SMAD5: variants seen among roughly 807,000 people sequenced by gnomAD.
SMAD5 encodes MAD, mothers against decapentaplegic homolog 5.
In SMAD5, 9 loss-of-function variants were observed where a neutral mutation model predicts 43.1. The observed-to-expected ratio is 0.21, with a 90% CI of 0.13 to 0.36. The LOEUF (loss-of-function observed/expected upper bound fraction) is 0.36. SMAD5 is among the 10% of genes least tolerant of loss of function. The pLI, the probability that SMAD5 is intolerant of heterozygous loss-of-function variation, is 1.00. For missense variants in SMAD5, 348 were observed against 574.0 expected (o/e 0.61, Z 4.02); for synonymous variants, 190 against 192.4 (o/e 0.99, Z 0.10).
At chr5:136,148,201 G>T (rs190326893) in intron 2 of SMAD5, among the ~76,000 whole-genome samples, 2 of 151,166 alleles carry the variant, frequency 1.3e-5, no homozygotes. Context: ...AAATAATTCA[G>T]TATCATTATA....
At chr5:136,144,477 A>G (rs1169426281) in intron 1 of SMAD5, among the ~76,000 whole-genome samples, 2 of 151,944 alleles carry the variant, frequency 1.3e-5, no homozygotes, top group South Asian at 2.1e-4. Flanking sequence ...CTGTTTTACA[A>G]TAGGTTTCTA....
chr5:136,151,713 C>T (rs1159418123), intron 2 of SMAD5, among the ~76,000 whole-genome samples: 1 of 151,982 alleles, frequency 6.6e-6, no homozygotes, highest in Non-Finnish European at 1.5e-5. Context: ...TATCTAGCCC[C>T]CCATTATATT....
rs962569472 is a variant in SMAD5 at position 136,163,974 on chromosome 5, A to G, written c.775+583A>G. 6.6e-5 allele frequency among the ~76,000 whole-genome samples: 10 copies of G among 152,270 alleles called. No homozygotes were observed. In the East Asian group the frequency reaches 9.7e-4, roughly 15 times the overall value. Reference sequence around the variant, plus strand: ...GGCGGGTGGATCCCTTGAGATCTGGAGTTCAAAACCCCAGCCTGGCCAATA... The same window carrying G: ...GGCGGGTGGATCCCTTGAGATCTGGGGTTCAAAACCCCAGCCTGGCCAATA... On this transcript the variant is annotated intron_variant, in intron 5 of 7. Transcript: ENST00000545279.
At position 136,177,333 on chromosome 5, in the gene SMAD5, A is replaced by G. The variant is rs747815316; in HGVS notation, c.1255-4A>G. ...TTTGTGATGATATCTGTTCATTTTC[A>G]TAGGGTTGGGGAGCAGAATATCACC... On this transcript the variant is annotated splice_region_variant and splice_polypyrimidine_tract_variant and intron_variant, in intron 7 of 7. Coordinates refer to ENST00000545279, the MANE Select transcript of SMAD5 (RefSeq NM_005903.7). The G allele has an allele frequency of 2.5e-5, 41 of 1,613,480 alleles. No individual in the cohort carries two copies. The highest frequency in any genetic ancestry group is 4.5e-5 in the East Asian group (2 of 44,876).
chr5:136,151,689 T>C (rs901243606), intron 2 of SMAD5, among the ~76,000 whole-genome samples: 1 of 152,058 alleles, frequency 6.6e-6, no homozygotes, highest in East Asian at 1.9e-4. Context: ...CTCTCACACA[T>C]ACGTACACTA....
At position 136,180,466 on chromosome 5, in the gene SMAD5, G is replaced by T. The variant is rs1170058302; in HGVS notation, c.*2986G>T. The T allele has an allele frequency of 2.0e-5, 3 of 152,050 alleles. No individual in the cohort carries two copies. Among genetic ancestry groups the T allele is most frequent in the Admixed American group, 6.5e-5 (1 of 15,278 alleles). 9.4% of individuals were successfully genotyped at this position (152,050 alleles called of 1,614,324 possible). A position where few individuals can be genotyped will look rare whatever the true frequency, so the allele number is the denominator to read the frequency against. On this transcript the variant is annotated 3_prime_UTR_variant, in exon 8 of 8. Coordinates refer to ENST00000545279, the MANE Select transcript of SMAD5 (RefSeq NM_005903.7). ...CAGTAATGAATTAAAGCAACAAAAA[G>T]ATATTGATTGGCAAAAAGCAAGATA... is the stretch of plus-strand genomic sequence containing the variant.
chr5:136,159,093 A>G (rs941064497), intron 3 of SMAD5, among the ~76,000 whole-genome samples: 1 of 152,240 alleles, frequency 6.6e-6, no homozygotes, highest in African/African-American at 2.4e-5. Context: ...ACATTGTTCA[A>G]GAAAAAGTAG....
intron 4 of SMAD5, 57 bp downstream of exon 4, chr5:136,161,164 T>TGA: frequency 6.5e-7 from 1 of 1,535,678 alleles, no homozygotes; most frequent in Non-Finnish European, 8.9e-7. Context: ...ATCACAGTTG[T>TGA]TCTTACTGTG....
At chr5:136,172,294 T>A (rs553547216) in intron 5 of SMAD5, 140 bp from the exon 6 acceptor site, 24 of 583,380 alleles carry the variant, frequency 4.1e-5, no homozygotes, top group Non-Finnish European at 7.0e-5. Flanking sequence ...GATTCACAGC[T>A]AGGAAGGACA....
chr5:136,147,239 C>T (rs536798177), intron 1 of SMAD5, among the ~76,000 whole-genome samples: 4 of 151,672 alleles, frequency 2.6e-5, no homozygotes, highest in Non-Finnish European at 5.9e-5. Flanking sequence ...TGGTAGTAAG[C>T]ATAAAGCTAA....
chr5:136,175,468 C>T (rs908749047), intron 7 of SMAD5, among the ~76,000 whole-genome samples: 1 of 152,118 alleles, frequency 6.6e-6, no homozygotes, highest in Non-Finnish European at 1.5e-5. Context: ...TTTCCACCAA[C>T]CTTAATATTA....
At chr5:136,175,828 T>C (rs1002718237) in intron 7 of SMAD5, among the ~76,000 whole-genome samples, 5 of 152,174 alleles carry the variant, frequency 3.3e-5, no homozygotes, top group African/African-American at 1.2e-4. Flanking sequence ...ATGTGACTTT[T>C]GCATATTTAT....
chr5:136,176,637 C>T (rs1221161877), intron 7 of SMAD5, among the ~76,000 whole-genome samples: 4 of 151,292 alleles, frequency 2.6e-5, no homozygotes, highest in African/African-American at 9.7e-5. Flanking sequence ...TAACATACCC[C>T]AATCTACCTA....
chr5:136,146,036 A>G (rs1753247184), intron 1 of SMAD5, among the ~76,000 whole-genome samples: 1 of 151,846 alleles, frequency 6.6e-6, no homozygotes, highest in Admixed American at 6.6e-5. Context: ...TTATGGGCAC[A>G]TTTCAGTTGT....
intron 6 of SMAD5, among the ~76,000 whole-genome samples, chr5:136,173,231 G>T (rs941168966): frequency 6.6e-6 from 1 of 152,032 alleles, no homozygotes; most frequent in Non-Finnish European, 1.5e-5. Context: ...CCTGCAGATA[G>T]TTGCCATAAC....
chr5:136,177,749 C>G lies in SMAD5; in HGVS notation c.*269C>G. ...ATTTGGCATTGATCTTAAACTGGAA[C>G]ATGCTTTTACTTTATTGCCCTAACA... On this transcript the variant is annotated 3_prime_UTR_variant, in exon 8 of 8. Transcript: ENST00000545279. 1 of 322,740 alleles carries G rather than the reference C, an allele frequency of 3.1e-6. No individual in the cohort carries two copies. The highest frequency in any genetic ancestry group is 6.6e-5 in the South Asian group (1 of 15,216). 20.0% of individuals were successfully genotyped at this position (322,740 alleles called of 1,614,324 possible). A position where few individuals can be genotyped will look rare whatever the true frequency, so the allele number is the denominator to read the frequency against.
At chr5:136,156,730 TAGTC>T (rs1390368342) in intron 3 of SMAD5, among the ~76,000 whole-genome samples, 2 of 152,246 alleles carry the variant, frequency 1.3e-5, no homozygotes, top group African/African-American at 4.8e-5. Flanking sequence ...GTGTGACTAG[TAGTC>T]AGCCAGCCAA....
intron 1 of SMAD5, among the ~76,000 whole-genome samples, chr5:136,143,534 C>T (rs1221706614): frequency 6.6e-6 from 1 of 152,068 alleles, no homozygotes; most frequent in African/African-American, 2.4e-5. Context: ...GTGGTTGTGC[C>T]TTTCCCTTTT....
Position 136,177,702 on chromosome 5 carries a change from A to G in SMAD5, c.*222A>G. ...GAAGTGTTGTAAAAGATGCAGAGTA[A>G]GTATTATGCCCCAGTTCAGAAATTT... is the stretch of plus-strand genomic sequence containing the variant. On this transcript the variant is annotated 3_prime_UTR_variant, in exon 8 of 8. Coordinates refer to ENST00000545279, the MANE Select transcript of SMAD5 (RefSeq NM_005903.7). 2.2e-6 allele frequency: 1 copy of G among 446,268 alleles called. No individual in the cohort carries two copies. 27.6% of individuals were successfully genotyped at this position (446,268 alleles called of 1,614,324 possible). A position where few individuals can be genotyped will look rare whatever the true frequency, so the allele number is the denominator to read the frequency against.
Sources: allele counts gnomAD v4.1 joint callset (sites outside exome capture counted in the v4.1 genomes callset), GRCh38; gene constraint gnomAD v4.1.1; transcripts MANE v1.5; gene names NCBI Gene and HGNC (gene_info 2026-07-23, HGNC 2026-07-21).